Variants in AGBL1 observed in about 807,000 individuals in gnomAD.
AGBL1 encodes the protein cytosolic carboxypeptidase 4.
AGBL1 carries 130 observed loss-of-function variants against 118.9 expected under a neutral mutation model. That is an observed-to-expected ratio of 1.09 (90% CI 0.95 to 1.26). The LOEUF is 1.26. AGBL1 is among the 50% of genes most tolerant of loss of function. The pLI is 0.00. For missense variants in AGBL1, 1,584 were observed against 1,298.1 expected (o/e 1.22, Z -3.38); for synonymous variants, 555 against 478.9 (o/e 1.16, Z -2.08).
intron 15 of AGBL1, 49 bp from the exon 16 acceptor site, chr15:86,279,590 C>A (rs770600063): frequency 4.4e-6 from 7 of 1,577,474 alleles, no homozygotes. Flanking sequence ...CCCTGCACCC[C>A]CCTCCCACCT....
At chr15:86,464,148 T>C (rs554655559) in intron 18 of AGBL1, among the ~76,000 whole-genome samples, 1 of 152,130 alleles carries the variant, frequency 6.6e-6, no homozygotes, top group Non-Finnish European at 1.5e-5. Flanking sequence ...AGAAAGACGG[T>C]CTTCGTGTCC....
At chr15:86,620,696 G>T (rs998989769) in intron 21 of AGBL1, among the ~76,000 whole-genome samples, 1 of 152,122 alleles carries the variant, frequency 6.6e-6, no homozygotes, top group African/African-American at 2.4e-5. Context: ...CTGGTTTGAA[G>T]TGACTCAGAA....
chr15:86,347,608 A>G (rs967263973), intron 17 of AGBL1, among the ~76,000 whole-genome samples: 1 of 152,232 alleles, frequency 6.6e-6, no homozygotes, highest in Non-Finnish European at 1.5e-5. Context: ...AATTAAGTAA[A>G]TATATGCCTT....
At chr15:86,505,507 C>T (rs1336805581) in intron 18 of AGBL1, among the ~76,000 whole-genome samples, 1 of 151,870 alleles carries the variant, frequency 6.6e-6, no homozygotes, top group African/African-American at 2.4e-5. Context: ...CCCTTCCAGT[C>T]ACTGAATACT....
At position 86,420,993 on chromosome 15, in the gene AGBL1, C is replaced by A. The variant is rs569411786; in HGVS notation, c.2555+23447C>A. Among the ~76,000 whole-genome samples the A allele has an allele frequency of 2.0e-5, 3 of 152,230 alleles. No homozygotes were observed. In the East Asian group the frequency reaches 5.8e-4, roughly 29 times the overall value. Reference sequence around the variant, plus strand: ...TCAAATCTATGTTTGATTGGTGTACCTGAAAGTGACGGGGAGAATGGAACC... The same window carrying A: ...TCAAATCTATGTTTGATTGGTGTACATGAAAGTGACGGGGAGAATGGAACC... On this transcript the variant is annotated intron_variant, in intron 18 of 22. Coordinates refer to ENST00000614907, the MANE Select transcript of AGBL1 (RefSeq NM_001386094.1).
chr15:87,019,584 G>A (rs1414815205), intron 24 of AGBL1, among the ~76,000 whole-genome samples: 1 of 151,970 alleles, frequency 6.6e-6, no homozygotes, highest in Non-Finnish European at 1.5e-5. Flanking sequence ...TAAAAACAAA[G>A]AGCCAATGTA....
At chr15:86,917,568 A>G (rs961155021), downstream of AGBL1, among the ~76,000 whole-genome samples, 2 of 152,202 alleles carry the variant, frequency 1.3e-5, no homozygotes, top group Admixed American at 1.3e-4. The surrounding 1 kb of genome is among the most constrained non-coding windows in gnomAD (Gnocchi z 4.8). Flanking sequence ...GGGCAAGTAA[A>G]CATATGCGGA....
At chr15:86,368,113 G>A (rs1245477767) in intron 17 of AGBL1, among the ~76,000 whole-genome samples, 2 of 151,996 alleles carry the variant, frequency 1.3e-5, no homozygotes, top group Non-Finnish European at 2.9e-5. Flanking sequence ...AGAATCAATG[G>A]ACCTACAAAG....
intron 22 of AGBL1, among the ~76,000 whole-genome samples, chr15:86,739,077 T>C (rs1322162067): frequency 6.6e-6 from 1 of 151,646 alleles, no homozygotes; most frequent in African/African-American, 2.4e-5. Flanking sequence ...GCCTGGGAGG[T>C]TGATGCTGCA....
At chr15:86,614,179 G>A (rs1028891018) in intron 21 of AGBL1, among the ~76,000 whole-genome samples, 11 of 152,182 alleles carry the variant, frequency 7.2e-5, no homozygotes, top group African/African-American at 2.4e-4. Context: ...AATAATATAT[G>A]CATCGAGCTC....
At chr15:86,768,767 T>A (rs1432107054) in intron 22 of AGBL1, among the ~76,000 whole-genome samples, 1 of 151,284 alleles carries the variant, frequency 6.6e-6, no homozygotes, top group Non-Finnish European at 1.5e-5. Context: ...TGTTTACTAA[T>A]TTTCTGCAAT....
At chr15:86,394,068 A>C (rs1027308780) in intron 17 of AGBL1, among the ~76,000 whole-genome samples, 2 of 152,180 alleles carry the variant, frequency 1.3e-5, no homozygotes, top group Non-Finnish European at 2.9e-5. Flanking sequence ...TATAAGCCAC[A>C]CAGTCTATGG....
At chr15:86,392,237 C>A (rs2081298524) in intron 17 of AGBL1, among the ~76,000 whole-genome samples, 3 of 151,918 alleles carry the variant, frequency 2.0e-5, no homozygotes, top group South Asian at 2.1e-4. Flanking sequence ...ATCACAGGTA[C>A]CTTTTTCTGT....
At chr15:86,221,439 T>C (rs1207605782) in intron 5 of AGBL1, among the ~76,000 whole-genome samples, 2 of 152,238 alleles carry the variant, frequency 1.3e-5, no homozygotes, top group Non-Finnish European at 2.9e-5. Context: ...TTTTGTGGGC[T>C]TAGCAGTTGG....
chr15:86,349,119 C>G (rs564082263), intron 17 of AGBL1, among the ~76,000 whole-genome samples: 2 of 152,132 alleles, frequency 1.3e-5, no homozygotes, highest in Non-Finnish European at 2.9e-5. Flanking sequence ...CAAGAACCAC[C>G]AAAGACTAAA....
chr15:86,245,484 C>T (rs993746475), intron 6 of AGBL1, among the ~76,000 whole-genome samples: 1 of 152,144 alleles, frequency 6.6e-6, no homozygotes, highest in Non-Finnish European at 1.5e-5. Context: ...GTACCTAGTC[C>T]CTAGGAGCCA....
intron 22 of AGBL1, among the ~76,000 whole-genome samples, chr15:86,876,751 A>T (rs1369994018): frequency 6.6e-6 from 1 of 152,218 alleles, no homozygotes; most frequent in Non-Finnish European, 1.5e-5. Context: ...ACAAGAAAAT[A>T]TATATTTACA....
intron 23 of AGBL1, among the ~76,000 whole-genome samples, chr15:86,979,724 C>T (rs1256072722): frequency 4.6e-5 from 7 of 152,000 alleles, no homozygotes; most frequent in African/African-American, 1.5e-4. Flanking sequence ...AGGATGGTCT[C>T]GATCTCCTGA....
rs900799653 is a variant in AGBL1, at chr15:86,402,070, C to G, written c.2555+4524C>G. Reference sequence around the variant, plus strand: ...GGTTATTTTCACAATATTGACTCTACCTGTCCATGAGCATGGGATGTGTTT... The same window carrying G: ...GGTTATTTTCACAATATTGACTCTAGCTGTCCATGAGCATGGGATGTGTTT... On this transcript the variant is annotated intron_variant, in intron 18 of 22. Coordinates refer to ENST00000614907, the MANE Select transcript of AGBL1 (RefSeq NM_001386094.1). 7.2e-5 allele frequency among the ~76,000 whole-genome samples: 11 copies of G among 152,104 alleles called. No individual in the cohort carries two copies. In the South Asian group the frequency reaches 2.3e-3, roughly 32 times the overall value.
Sources: gnomAD v4.1 joint callset for allele counts (sites outside exome capture counted in the v4.1 genomes callset) on GRCh38, gnomAD v4.1.1 for gene constraint, Gnocchi (gnomAD v3.1) non-coding constraint, MANE v1.5 for transcripts, NCBI Gene and HGNC (gene_info 2026-07-23, HGNC 2026-07-21) for gene names.